SEC14L6: variants seen among roughly 807,000 people sequenced by gnomAD.
The protein encoded by SEC14L6 is SEC14-like protein 6.
A neutral mutation model predicts 54.1 loss-of-function variants in SEC14L6; 40 were observed. The ratio of observed to expected loss-of-function variants is 0.74; its 90% CI spans 0.57 to 0.96. SEC14L6 has a LOEUF of 0.96. Ranked by LOEUF, SEC14L6 falls within the 40% of genes least tolerant of loss-of-function variation. The probability of loss-of-function intolerance (pLI) is 0.00; values close to 1 mark genes in which losing one functional copy is unlikely to be tolerated. For missense variants in SEC14L6, 471 were observed against 498.3 expected (o/e 0.95, Z 0.52); for synonymous variants, 171 against 198.4 (o/e 0.86, Z 1.16).
At chr22:30,542,859 C>A in intron 1 of SEC14L6, 1 of 1,598,314 alleles carries the variant, frequency 6.3e-7, no homozygotes, top group Non-Finnish European at 8.6e-7. Flanking sequence ...TTTCAGATCT[C>A]ACAAAGAGAA....
intron 1 of SEC14L6, among the ~76,000 whole-genome samples, chr22:30,542,134 C>A (rs1421712165): frequency 3.3e-5 from 5 of 152,204 alleles, no homozygotes; most frequent in African/African-American, 4.8e-5. Flanking sequence ...CGCGACCCTC[C>A]CCATCCGTCT....
intron 2 of SEC14L6, among the ~76,000 whole-genome samples, chr22:30,535,887 GTTTTT>G (rs71643521): frequency 3.1e-5 from 4 of 128,516 alleles, no homozygotes; most frequent in African/African-American, 5.8e-5. Flanking sequence ...AGTTTTTTGT[GTTTTT>G]TTTTTTTTTT....
intron 2 of SEC14L6, 36 bp downstream of exon 2, chr22:30,538,791 C>G: frequency 7.0e-7 from 1 of 1,424,098 alleles, no homozygotes; most frequent in Non-Finnish European, 9.7e-7. Context: ...TCTTTCATGC[C>G]ATTGACCCTA....
In SEC14L6 at chr22:30,532,721, C is replaced by T. The variant is rs535343088; in HGVS notation, c.235-8G>A. The T allele has an allele frequency of 1.9e-6, 3 of 1,578,716 alleles. No individual in the cohort carries two copies. The highest frequency in any genetic ancestry group is 2.7e-5 in the African/African-American group (2 of 74,114). On this transcript the variant is annotated splice_polypyrimidine_tract_variant and splice_region_variant and intron_variant, in intron 4 of 11. Transcript: ENST00000402034. ...GTTGTACAGCCTGACCACCTGGATG[C>T]ATACACAGGAGACGGGGGTTCAGTG...
At chr22:30,540,715 CA>C (rs60313942) in intron 1 of SEC14L6, among the ~76,000 whole-genome samples, 273 of 134,996 alleles carry the variant, frequency 2.0e-3, no homozygotes, top group African/African-American at 4.3e-3. Context: ...GACCCTGTCT[CA>C]AAAAAAAAAA....
intron 1 of SEC14L6, chr22:30,542,940 GT>G: frequency 6.2e-7 from 1 of 1,601,570 alleles, no homozygotes; most frequent in Non-Finnish European, 8.5e-7. Context: ...ACTGTGTGAA[GT>G]TCCAGAAAGG....
chr22:30,530,908 TG>T (rs1447739519), intron 6 of SEC14L6, among the ~76,000 whole-genome samples: 2 of 151,540 alleles, frequency 1.3e-5, no homozygotes, highest in Non-Finnish European at 2.9e-5. Context: ...AGGCAGGTAT[TG>T]GGGGTGAGGG....
At chr22:30,543,711 C>T in intron 1 of SEC14L6, 3 of 1,606,846 alleles carry the variant, frequency 1.9e-6, no homozygotes, top group Non-Finnish European at 1.7e-6. Context: ...TGGTGTGCAC[C>T]TTGCTGGTGG....
chr22:30,530,436 T>C (rs906305514), intron 6 of SEC14L6, among the ~76,000 whole-genome samples: 2 of 152,042 alleles, frequency 1.3e-5, no homozygotes, highest in Non-Finnish European at 2.9e-5. Flanking sequence ...AGATATAATT[T>C]ACATCCCAGG....
chr22:30,527,883 A>G (rs909740954), intron 8 of SEC14L6, among the ~76,000 whole-genome samples: 11 of 152,150 alleles, frequency 7.2e-5, no homozygotes, highest in African/African-American at 1.2e-4. Flanking sequence ...AATAATACAA[A>G]CAACCTGAAT....
rs567903703 is a variant in SEC14L6, at chr22:30,544,168, G to T, written c.54+2461C>A. 2.5e-4 allele frequency: 245 copies of T among 974,270 alleles called. 1 individual carries two copies. Among genetic ancestry groups the T allele is most frequent in the Admixed American group, 2.2e-3 (94 of 42,584 alleles). 60.4% of individuals were successfully genotyped at this position (974,270 alleles called of 1,614,324 possible). ...CGCCATGATGAGCACAGCCAGCCCA[G>T]TTCCCGGAGGGCTGGGGCGGTGCAG... On this transcript the variant is annotated intron_variant, in intron 1 of 11. Transcript: ENST00000402034.
chr22:30,543,068 G>A (rs964688492), intron 1 of SEC14L6: 1 of 1,598,898 alleles, frequency 6.3e-7, no homozygotes, highest in South Asian at 1.1e-5. Flanking sequence ...CACACAGTGA[G>A]CTTCACCTGC....
chr22:30,528,876 G>T (rs1387084887), intron 8 of SEC14L6, among the ~76,000 whole-genome samples: 1 of 151,938 alleles, frequency 6.6e-6, no homozygotes, highest in African/African-American at 2.4e-5. Flanking sequence ...CTCTACCCAT[G>T]CTACCTCCAG....
At chr22:30,538,942 C>T in intron 1 of SEC14L6, 40 bp from the exon 2 acceptor site, 1 of 1,408,528 alleles carries the variant, frequency 7.1e-7, no homozygotes, top group Non-Finnish European at 9.8e-7. Context: ...AGAGGCCAAC[C>T]ACCCTCGGTC....
chr22:30,532,959 G>T (rs1018266737), intron 3 of SEC14L6, 103 bp from the exon 4 acceptor site: 36 of 1,529,182 alleles, frequency 2.4e-5, no homozygotes, highest in Middle Eastern at 1.9e-4. Flanking sequence ...CAACCACTAA[G>T]GGCCTGCCAG....
chr22:30,528,040 T>C (rs1022274364), intron 8 of SEC14L6, among the ~76,000 whole-genome samples: 7 of 151,870 alleles, frequency 4.6e-5, no homozygotes, highest in Middle Eastern at 3.2e-3. Flanking sequence ...TGACAGGATA[T>C]TCCCCCCTTC....
intron 6 of SEC14L6, among the ~76,000 whole-genome samples, chr22:30,531,290 C>A (rs1410797549): frequency 6.6e-6 from 1 of 151,762 alleles, no homozygotes; most frequent in East Asian, 1.9e-4. Flanking sequence ...CGCCTTAATC[C>A]CAGCTACTCC....
intron 1 of SEC14L6, among the ~76,000 whole-genome samples, chr22:30,541,394 C>A (rs1414204801): frequency 6.6e-6 from 1 of 152,176 alleles, no homozygotes; most frequent in Non-Finnish European, 1.5e-5. Flanking sequence ...AGGAGTGGCT[C>A]ACGCCTGTAA....
chr22:30,534,076 AG>A (rs767696593), intron 2 of SEC14L6, 37 bp from the exon 3 acceptor site: 28 of 1,548,594 alleles, frequency 1.8e-5, no homozygotes, highest in Non-Finnish European at 2.4e-5. Context: ...GTGGAATTCT[AG>A]AGGCTCACTC....
Sources: allele counts gnomAD v4.1 joint callset (sites outside exome capture counted in the v4.1 genomes callset), GRCh38; gene constraint gnomAD v4.1.1; transcripts MANE v1.5; gene names NCBI Gene and HGNC (gene_info 2026-07-23, HGNC 2026-07-21).